The following PPP3CA variants were observed in gnomAD, a reference collection of about 807,000 sequenced individuals.
The protein encoded by PPP3CA is protein phosphatase 3 catalytic subunit alpha.
A neutral mutation model predicts 66.5 loss-of-function variants in PPP3CA; 14 were observed. The observed-to-expected ratio is 0.21, with a 90% CI of 0.14 to 0.33. The LOEUF is 0.33. PPP3CA is among the 10% of genes least tolerant of loss of function. The pLI, the probability that PPP3CA is intolerant of heterozygous loss-of-function variation, is 1.00. For synonymous variants in PPP3CA, 232 were observed against 226.2 expected, an observed-to-expected ratio of 1.03 and a Z score of -0.23; for missense variants, 317 against 639.5, an observed-to-expected ratio of 0.50 and a Z score of 5.44.
At chr4:101,170,765 A>G (rs1341539686) in intron 2 of PPP3CA, among the ~76,000 whole-genome samples, 1 of 152,132 alleles carries the variant, frequency 6.6e-6, no homozygotes, top group East Asian at 1.9e-4. Flanking sequence ...CCCAGCCTAT[A>G]ATTAATCATT....
At chr4:101,265,110 C>T (rs988929239) in intron 1 of PPP3CA, among the ~76,000 whole-genome samples, 1 of 152,094 alleles carries the variant, frequency 6.6e-6, no homozygotes, top group African/African-American at 2.4e-5. Flanking sequence ...ATTTGTTAGC[C>T]ATATGAAATA....
intron 1 of PPP3CA, among the ~76,000 whole-genome samples, chr4:101,306,132 G>C (rs1728528583): frequency 6.6e-6 from 1 of 152,144 alleles, no homozygotes; most frequent in African/African-American, 2.4e-5. Flanking sequence ...TTAGCTCTTT[G>C]TCATGTCCAT....
intron 1 of PPP3CA, among the ~76,000 whole-genome samples, chr4:101,219,508 T>C (rs989556204): frequency 2.6e-5 from 4 of 151,916 alleles, no homozygotes; most frequent in African/African-American, 9.7e-5. Context: ...TAAGTACATA[T>C]TCTGTTTCAC....
At chr4:101,247,382 G>A (rs545782729) in intron 1 of PPP3CA, among the ~76,000 whole-genome samples, 7 of 151,964 alleles carry the variant, frequency 4.6e-5, no homozygotes, top group Admixed American at 1.3e-4. Flanking sequence ...GGCTGGTCTC[G>A]AACTCCTGGC....
At chr4:101,102,939 TAATTA>T (rs1212053765) in intron 3 of PPP3CA, among the ~76,000 whole-genome samples, 2 of 152,202 alleles carry the variant, frequency 1.3e-5, no homozygotes, top group South Asian at 4.1e-4. Flanking sequence ...TTCTGACTCT[TAATTA>T]AACAAATATT....
chr4:101,262,697 T>C (rs1360378263), intron 1 of PPP3CA, among the ~76,000 whole-genome samples: 2 of 152,156 alleles, frequency 1.3e-5, no homozygotes, highest in Admixed American at 6.6e-5. Context: ...GGTTTTGTTC[T>C]CCTGGAATAT....
chr4:101,198,303 C>T (rs1166266787), intron 1 of PPP3CA, among the ~76,000 whole-genome samples: 1 of 151,964 alleles, frequency 6.6e-6, no homozygotes, highest in South Asian at 2.1e-4. Context: ...TTATGCAGGT[C>T]TTTATGTATG....
intron 1 of PPP3CA, among the ~76,000 whole-genome samples, chr4:101,315,104 G>A (rs1728844871): frequency 6.6e-6 from 1 of 152,156 alleles, no homozygotes; most frequent in Non-Finnish European, 1.5e-5. Flanking sequence ...ACATGATTGA[G>A]TCATGAGGGC....
intron 1 of PPP3CA, among the ~76,000 whole-genome samples, chr4:101,203,224 C>T (rs753942780): frequency 4.6e-5 from 7 of 152,130 alleles, no homozygotes; most frequent in African/African-American, 9.7e-5. Context: ...CAGCCGGGTG[C>T]GGTGGCTCAC....
At chr4:101,143,578 CCTAA>C (rs1428460611) in intron 2 of PPP3CA, among the ~76,000 whole-genome samples, 4 of 152,190 alleles carry the variant, frequency 2.6e-5, no homozygotes, top group South Asian at 2.1e-4. Context: ...CCAGTTACTT[CCTAA>C]CTGTCAAACC....
At position 101,069,374 on chromosome 4, in the gene PPP3CA, T is replaced by C. The variant is rs1458539100; in HGVS notation, c.956-6017A>G. 3.3e-5 allele frequency among the ~76,000 whole-genome samples: 5 copies of C among 152,324 alleles called. No individual in the cohort carries two copies. In the East Asian group the frequency reaches 9.6e-4, roughly 29 times the overall value. On this transcript the variant is annotated intron_variant, in intron 8 of 13. Coordinates refer to ENST00000394854, the MANE Select transcript of PPP3CA (RefSeq NM_000944.5). ...ATTCTAGCCCTTGCCCCACTCCTCTTACTCACTAGGTGGAAATGGAAATAC... is the reference window on the plus strand; with the variant it reads ...ATTCTAGCCCTTGCCCCACTCCTCTCACTCACTAGGTGGAAATGGAAATAC...
chr4:101,216,756 G>T lies in PPP3CA; in HGVS notation c.59-20640C>A, dbSNP rs538373186. 2.0e-5 allele frequency among the ~76,000 whole-genome samples: 3 copies of T among 151,960 alleles called. No homozygotes were observed. The East Asian group carries it at 5.8e-4, about 29-fold the overall frequency. On this transcript the variant is annotated intron_variant, in intron 1 of 13. Coordinates refer to ENST00000394854, the MANE Select transcript of PPP3CA (RefSeq NM_000944.5). ...AGTAGAGATGAGGCTTCACAATGTT[G>T]CCCAGGCTGATCTTAAACTCCTGGG... is the stretch of plus-strand genomic sequence containing the variant.
At chr4:101,307,823 T>A (rs976330927) in intron 1 of PPP3CA, among the ~76,000 whole-genome samples, 2 of 152,214 alleles carry the variant, frequency 1.3e-5, no homozygotes, top group African/African-American at 4.8e-5. Context: ...TATACTGAAG[T>A]ATACACTGCT....
rs1726810256 is a variant in PPP3CA at position 101,029,292 on chromosome 4, G to C, written c.1340-97C>G. On this transcript the variant is annotated intron_variant, in intron 12 of 13. Transcript: ENST00000394854. The stretch of plus-strand genomic sequence containing the variant: ...TCAGTGACCATCAAAGGAGCTAAGA[G>C]AACTAATGTTCCTGTAAGTGCTAGA... The C allele has an allele frequency of 1.0e-4, 85 of 837,306 alleles. No homozygotes were observed. The South Asian group carries it at 1.2e-3, about 12-fold the overall frequency. 51.9% of individuals were successfully genotyped at this position (837,306 alleles called of 1,614,324 possible).
intron 1 of PPP3CA, among the ~76,000 whole-genome samples, chr4:101,244,921 T>C (rs545969258): frequency 6.6e-6 from 1 of 152,284 alleles, no homozygotes; most frequent in East Asian, 1.9e-4. Context: ...TTTAAAGTCA[T>C]TTCAAAGCTA....
At chr4:101,210,693 A>C (rs1725273721) in intron 1 of PPP3CA, among the ~76,000 whole-genome samples, 1 of 152,156 alleles carries the variant, frequency 6.6e-6, no homozygotes, top group Non-Finnish European at 1.5e-5. Context: ...ATACTTCATA[A>C]AAATATATTT....
chr4:101,283,474 A>G (rs1043815668), intron 1 of PPP3CA, among the ~76,000 whole-genome samples: 3 of 152,242 alleles, frequency 2.0e-5, no homozygotes, highest in Admixed American at 6.5e-5. Flanking sequence ...AATTAGCAAT[A>G]AAAAAGGTAA....
At chr4:101,130,744 C>T (rs2110282256) in intron 2 of PPP3CA, among the ~76,000 whole-genome samples, 1 of 152,306 alleles carries the variant, frequency 6.6e-6, no homozygotes, top group South Asian at 2.1e-4. Context: ...GAAGGAAGCA[C>T]TAAATATCGA....
intron 1 of PPP3CA, among the ~76,000 whole-genome samples, chr4:101,263,551 T>C (rs766667077): frequency 1.5e-4 from 23 of 152,228 alleles, no homozygotes; most frequent in Non-Finnish European, 3.1e-4. Context: ...AAATTCTAAA[T>C]TGTTTTCCAC....
Sources: allele counts gnomAD v4.1 joint callset (sites outside exome capture counted in the v4.1 genomes callset), GRCh38; gene constraint gnomAD v4.1.1; transcripts MANE v1.5; gene names NCBI Gene and HGNC (gene_info 2026-07-23, HGNC 2026-07-21).